Variants in SETX observed in about 807,000 individuals in gnomAD.
SETX encodes the protein senataxin, also known as helicase senataxin.
A neutral mutation model predicts 227.2 loss-of-function variants in SETX; 90 were observed. The observed-to-expected ratio is 0.40, with a 90% CI of 0.33 to 0.47. SETX has a LOEUF of 0.47. Among genes scored for constraint, SETX ranks in the 20% least tolerant of loss-of-function variants. The pLI, the probability that SETX is intolerant of heterozygous loss-of-function variation, is 0.91. For missense variants in SETX, 3,052 were observed against 3,181.5 expected, an observed-to-expected ratio of 0.96 and a Z score of 0.98; for synonymous variants, 1,210 against 1,113.2, an observed-to-expected ratio of 1.09 and a Z score of -1.73.
chr9:132,330,770 C>T (rs1847173835), intron 9 of SETX, among the ~76,000 whole-genome samples: 1 of 152,208 alleles, frequency 6.6e-6, no homozygotes, highest in African/African-American at 2.4e-5. Flanking sequence ...CTTCTGTCCA[C>T]TAGCTAGTTT....
At position 132,330,844 on chromosome 9, in the gene SETX, G is replaced by A. The variant is rs9411448; in HGVS notation, c.1098+208C>T. Among the ~76,000 whole-genome samples, 135,953 of 152,210 alleles carry A rather than the reference G, an allele frequency of 0.89. 60,828 individuals carry two copies. Among genetic ancestry groups the A allele is most frequent in the Non-Finnish European group, 0.92 (62,525 of 68,032 alleles). On this transcript the variant is annotated intron_variant, in intron 9 of 25. Coordinates refer to ENST00000224140, the MANE Select transcript of SETX (RefSeq NM_015046.7). ...CCATCTTCCCTAAATGTACTTATAA[G>A]TTAATTTTCCAAAGTATGCATACTG...
Position 132,331,120 on chromosome 9 carries a change from A to G in SETX, c.1030T>C (p.Ser344Pro). ...SSVRTKLEPE[S>P]YLDDMVTCSQ... The stretch of plus-strand genomic sequence containing the variant: ...CAAGTCACCATATCATCCAAATAGG[A>G]CTCCGGTTCTAACTTGGTCCTTAAA... The change falls in exon 9 of 26, where the codon TCC (serine) becomes CCC (proline). Residue 344 changes from serine to proline, a missense_variant. Transcript: ENST00000224140. 6.2e-7 allele frequency: 1 copy of G among 1,613,534 alleles called. No individual in the cohort carries two copies. The highest frequency in any genetic ancestry group is 1.1e-5 in the South Asian group (1 of 91,054).
intron 25 of SETX, among the ~76,000 whole-genome samples, chr9:132,265,600 T>C (rs1312273948): frequency 6.6e-6 from 1 of 152,200 alleles, no homozygotes; most frequent in Non-Finnish European, 1.5e-5. Context: ...CATGTTGCTA[T>C]TTATATTTCA....
chr9:132,294,254 T>C (rs1382684179), intron 15 of SETX, among the ~76,000 whole-genome samples: 1 of 152,202 alleles, frequency 6.6e-6, no homozygotes, highest in Non-Finnish European at 1.5e-5. Flanking sequence ...AAACTGAAGA[T>C]GTACAAACTC....
At chr9:132,330,812 A>C (rs1847176326) in intron 9 of SETX, among the ~76,000 whole-genome samples, 1 of 152,184 alleles carries the variant, frequency 6.6e-6, no homozygotes, top group African/African-American at 2.4e-5. Flanking sequence ...ATGTCCCCAT[A>C]AACTTTCCAT....
intron 20 of SETX, among the ~76,000 whole-genome samples, chr9:132,280,465 G>A (rs1322207266): frequency 6.6e-6 from 1 of 152,144 alleles, no homozygotes; most frequent in African/African-American, 2.4e-5. Flanking sequence ...GTTACCTGCA[G>A]CAGTTCTTCC....
chr9:132,266,932 T>C (rs1297662958), intron 25 of SETX, among the ~76,000 whole-genome samples: 1 of 152,248 alleles, frequency 6.6e-6, no homozygotes, highest in African/African-American at 2.4e-5. Context: ...AAGTGATTCA[T>C]TCGTGCTAAA....
chr9:132,300,527 C>T (rs947033206), intron 12 of SETX, 103 bp downstream of exon 12: 18 of 1,295,130 alleles, frequency 1.4e-5, no homozygotes, highest in African/African-American at 2.9e-5. Flanking sequence ...AAAACATGTT[C>T]GGTAAATGTC....
intron 11 of SETX, among the ~76,000 whole-genome samples, chr9:132,311,208 C>T (rs919707014): frequency 2.6e-5 from 4 of 152,108 alleles, no homozygotes; most frequent in African/African-American, 9.7e-5. Flanking sequence ...CTGGTGATCC[C>T]CGCCCGCCTC....
In SETX at chr9:132,345,924, C is replaced by G. The variant is rs1848259018; in HGVS notation, c.388+337G>C. 2.6e-5 allele frequency among the ~76,000 whole-genome samples: 4 copies of G among 152,058 alleles called. No homozygotes were observed. The South Asian group carries it at 8.3e-4, about 31-fold the overall frequency. ...CTCCCAGCTACCCACAAGGCTCAGG[C>G]AGGAGTATTACTTGAGCCCAGGAGG... On this transcript the variant is annotated intron_variant, in intron 4 of 25. Transcript: ENST00000224140.
chr9:132,351,796 A>G (rs1263783577), intron 2 of SETX, among the ~76,000 whole-genome samples: 3 of 152,168 alleles, frequency 2.0e-5, no homozygotes, highest in Non-Finnish European at 2.9e-5. Flanking sequence ...CTTGAGGTCT[A>G]TTTTGTTAGT....
chr9:132,289,961 C>A (rs1336014224), intron 15 of SETX, among the ~76,000 whole-genome samples: 4 of 152,168 alleles, frequency 2.6e-5, no homozygotes, highest in South Asian at 2.1e-4. Flanking sequence ...ATAATCCCAG[C>A]ACTTTGGGAG....
Position 132,298,061 on chromosome 9 carries a change from A to G in SETX, c.5781+19T>C. The G allele has an allele frequency of 1.3e-6, 2 of 1,550,622 alleles. No individual in the cohort carries two copies. Among genetic ancestry groups the G allele is most frequent in the Non-Finnish European group, 1.8e-6 (2 of 1,132,976 alleles). ...ACATCTTAACATGAAATTATCTAGT[A>G]TCATACATCATCACTCACAATTCTC... On this transcript the variant is annotated intron_variant, in intron 13 of 25. Coordinates refer to ENST00000224140, the MANE Select transcript of SETX (RefSeq NM_015046.7).
At chr9:132,286,392 A>T (rs1404580355) in intron 18 of SETX, 31 bp downstream of exon 18, 1 of 1,477,180 alleles carries the variant, frequency 6.8e-7, no homozygotes. Flanking sequence ...AAAAAAAAAA[A>T]TCAAGAAAAT....
rs148117487 is a variant in SETX at position 132,294,173 on chromosome 9, C to T, written c.6106+1699G>A. ...AGTTAAATTAAAACTACCAACTGTA[C>T]ACTGCACAGGGACTGCTCTCAGGAG... On this transcript the variant is annotated intron_variant, in intron 15 of 25. Transcript: ENST00000224140. 9.2e-5 allele frequency among the ~76,000 whole-genome samples: 14 copies of T among 152,292 alleles called. No individual in the cohort carries two copies. The East Asian group carries it at 2.3e-3, about 25-fold the overall frequency.
In SETX at chr9:132,322,837, A is replaced by AT. The variant is rs1564531639; in HGVS notation, c.5274+3486_5274+3487insA. On this transcript the variant is annotated intron_variant, in intron 10 of 25. Coordinates refer to ENST00000224140, the MANE Select transcript of SETX (RefSeq NM_015046.7). ...AGAGAAAAACTTTTAGCTAACTTTA[A>AT]AATTATCATAAACTTTAGCTAATAA... Among the ~76,000 whole-genome samples the AT allele has an allele frequency of 6.9e-4, 13 of 18,934 alleles. No homozygotes were observed. The East Asian group carries it at 0.063, about 92-fold the overall frequency. The allele number at this position is 18,934 out of a possible 152,430, so 12.4% of individuals were successfully genotyped here. A position where few individuals can be genotyped will look rare whatever the true frequency, so the allele number is the denominator to read the frequency against.
chr9:132,279,021 C>G (rs949403225), intron 20 of SETX, among the ~76,000 whole-genome samples: 1 of 152,226 alleles, frequency 6.6e-6, no homozygotes, highest in African/African-American at 2.4e-5. Flanking sequence ...CTCCAATGAG[C>G]ATATCCTTCG....
At chr9:132,334,538 T>C in intron 7 of SETX, 70 bp downstream of exon 7, 2 of 1,535,320 alleles carry the variant, frequency 1.3e-6, no homozygotes, top group Non-Finnish European at 1.8e-6. Flanking sequence ...ATTCCTGCAG[T>C]GACACTATCA....
intron 4 of SETX, 75 bp downstream of exon 4, chr9:132,346,184 AAT>A: frequency 8.5e-7 from 1 of 1,174,564 alleles, no homozygotes; most frequent in Admixed American, 1.8e-5. Context: ...ACAAATTTGC[AAT>A]ATAGATAAGC....
Sources: gnomAD v4.1 joint callset for allele counts (sites outside exome capture counted in the v4.1 genomes callset) on GRCh38, gnomAD v4.1.1 for gene constraint, MANE v1.5 for transcripts, NCBI Gene and HGNC (gene_info 2026-07-23, HGNC 2026-07-21) for gene names.